Variants in MAN1B1 observed in about 807,000 individuals in gnomAD.
The protein encoded by MAN1B1 is endoplasmic reticulum mannosyl-oligosaccharide 1,2-alpha-mannosidase.
MAN1B1 carries 66 observed loss-of-function variants against 75.5 expected under a neutral mutation model. That is an observed-to-expected ratio of 0.87 (90% CI 0.72 to 1.07). The LOEUF is 1.07. Among genes scored for constraint, MAN1B1 ranks in the 50% least tolerant of loss-of-function variants. The pLI is 0.00. For missense variants in MAN1B1, 973 were observed against 912.5 expected (o/e 1.07, Z -0.85); for synonymous variants, 453 against 382.8 (o/e 1.18, Z -2.14).
chr9:137,103,566 C>T lies in MAN1B1; in HGVS notation c.1254+1894C>T, dbSNP rs570559037. On this transcript the variant is annotated intron_variant, in intron 8 of 12. Transcript: ENST00000371589. ...GTTGCAGGCGTGCAGGTTGGTGTTA[C>T]ACACATTCACACTTGCAGGCGTGCG... is the stretch of plus-strand genomic sequence containing the variant. The T allele has an allele frequency of 3.3e-4, 145 of 437,492 alleles. 1 individual carries two copies. Among genetic ancestry groups the T allele is most frequent in the African/African-American group, 3.0e-3 (136 of 45,692 alleles). The allele number at this position is 437,492 out of a possible 1,614,324, so 27.1% of individuals were successfully genotyped here. A position where few individuals can be genotyped will look rare whatever the true frequency, so the allele number is the denominator to read the frequency against.
chr9:137,097,152 G>A (rs571485012), intron 4 of MAN1B1, among the ~76,000 whole-genome samples: 6 of 152,350 alleles, frequency 3.9e-5, no homozygotes, highest in Middle Eastern at 3.4e-3. Flanking sequence ...TCTAGTTAGC[G>A]TTGGCATGAA....
At chr9:137,092,432 G>A (rs1830540780) in intron 3 of MAN1B1, among the ~76,000 whole-genome samples, 1 of 152,110 alleles carries the variant, frequency 6.6e-6, no homozygotes, top group African/African-American at 2.4e-5. Flanking sequence ...ACACACGTGT[G>A]TACGTAATTG....
chr9:137,095,793 C>G (rs1381859181), intron 3 of MAN1B1, among the ~76,000 whole-genome samples: 1 of 152,180 alleles, frequency 6.6e-6, no homozygotes, highest in Non-Finnish European at 1.5e-5. Flanking sequence ...GCCCGCATCA[C>G]ACAGCAGGGG....
chr9:137,093,852 T>C (rs747971308), intron 3 of MAN1B1, among the ~76,000 whole-genome samples: 2 of 151,636 alleles, frequency 1.3e-5, no homozygotes, highest in Non-Finnish European at 2.9e-5. Context: ...GAGAAAAGAT[T>C]TAAGTTCTCC....
At chr9:137,107,801 G>T (rs1161120256) in intron 12 of MAN1B1, 139 bp downstream of exon 12, 15 of 1,239,798 alleles carry the variant, frequency 1.2e-5, no homozygotes, top group Middle Eastern at 1.9e-4. Flanking sequence ...CAGCCTCGGG[G>T]TGGCCACACT....
chr9:137,108,924 A>G lies in MAN1B1; in HGVS notation c.*333A>G, dbSNP rs1003673037. ...CGAGGTGGTCCCTGGTACTGGGGTG[A>G]CCGAGTGGACAGCCCAGGGTGCAGC... On this transcript the variant is annotated 3_prime_UTR_variant, in exon 13 of 13. Coordinates refer to ENST00000371589, the MANE Select transcript of MAN1B1 (RefSeq NM_016219.5). 1.8e-5 allele frequency: 9 copies of G among 502,134 alleles called. No homozygotes were observed. The highest frequency in any genetic ancestry group is 3.0e-4 in the Middle Eastern group (1 of 3,332). The allele number at this position is 502,134 out of a possible 1,614,324, so 31.1% of individuals were successfully genotyped here.
At chr9:137,093,908 C>T (rs552152890) in intron 3 of MAN1B1, among the ~76,000 whole-genome samples, 188 of 152,188 alleles carry the variant, frequency 1.2e-3, no homozygotes, top group African/African-American at 4.5e-3. Flanking sequence ...AAATTCCAAC[C>T]TCTGTTTTTA....
chr9:137,103,217 G>A (rs1000987164), intron 8 of MAN1B1: 7 of 427,304 alleles, frequency 1.6e-5, no homozygotes, highest in Non-Finnish European at 2.8e-5. Flanking sequence ...CAGGTCGGTG[G>A]TGTTACACAC....
At chr9:137,094,067 T>G (rs543930175) in intron 3 of MAN1B1, among the ~76,000 whole-genome samples, 1 of 149,422 alleles carries the variant, frequency 6.7e-6, no homozygotes, top group African/African-American at 2.5e-5. Flanking sequence ...CAGGCTGGAG[T>G]GCAGTGGCAC....
In MAN1B1 at chr9:137,099,082, G is replaced by A. The variant is rs970923437; in HGVS notation, c.731-614G>A. 4.6e-5 allele frequency among the ~76,000 whole-genome samples: 7 copies of A among 152,104 alleles called. 1 individual carries two copies. Among genetic ancestry groups the A allele is most frequent in the Non-Finnish European group, 2.9e-5 (2 of 68,032 alleles). ...TGACCTCAGGTGATCTGCCCACCTC[G>A]GCCTCCCAGAGTACTGGGATTACAG... On this transcript the variant is annotated intron_variant, in intron 5 of 12. Coordinates refer to ENST00000371589, the MANE Select transcript of MAN1B1 (RefSeq NM_016219.5).
intron 8 of MAN1B1, chr9:137,102,073 G>C (rs777186619): frequency 2.3e-6 from 1 of 441,352 alleles, no homozygotes; most frequent in Non-Finnish European, 4.4e-6. Context: ...AGGAGTACAG[G>C]TCGGTGGTGT....
At chr9:137,095,964 C>A (rs750820151) in intron 3 of MAN1B1, among the ~76,000 whole-genome samples, 2 of 152,170 alleles carry the variant, frequency 1.3e-5, no homozygotes, top group East Asian at 1.9e-4. Context: ...TTGTTATTAA[C>A]GCTTTAGGAC....
chr9:137,088,836 C>A, intron 2 of MAN1B1, 33 bp from the exon 3 acceptor site: 2 of 1,612,630 alleles, frequency 1.2e-6, no homozygotes, highest in South Asian at 1.1e-5. Context: ...GGCCTTGTGG[C>A]ATATTTGAAA....
At position 137,101,499 on chromosome 9, in the gene MAN1B1, C is replaced by A; in HGVS notation, c.1081C>A (p.Arg361=). ...FLRKAEDFGN[R]LMPAFRTPSK... is the part of the protein sequence containing the mutation. ...CATATACCAGGAGGATTTTGGAAAT[C>A]GGCTAATGCCTGCCTTCAGAACACC... Residue 361 remains arginine, a synonymous_variant, in exon 8 of 13, where the codon CGG becomes AGG. Coordinates refer to ENST00000371589, the MANE Select transcript of MAN1B1 (RefSeq NM_016219.5). 1 of 1,613,856 alleles carries A rather than the reference C, an allele frequency of 6.2e-7. No homozygotes were observed. The highest frequency in any genetic ancestry group is 1.1e-5 in the South Asian group (1 of 91,068).
rs766096334 is a variant in MAN1B1, at chr9:137,108,615, A to T, written c.*24A>T. The T allele has an allele frequency of 6.2e-7, 1 of 1,610,946 alleles. No homozygotes were observed. The highest frequency in any genetic ancestry group is 8.5e-7 in the Non-Finnish European group (1 of 1,177,910). On this transcript the variant is annotated 3_prime_UTR_variant, in exon 13 of 13. Coordinates refer to ENST00000371589, the MANE Select transcript of MAN1B1 (RefSeq NM_016219.5). ...AGGGTGGATGGCTGCTGGTGTGGGG[A>T]CTTCGGGTGGGCAGAGGCACCTTGC...
chr9:137,098,073 C>G (rs1830706292), intron 5 of MAN1B1, 136 bp downstream of exon 5: 1 of 682,052 alleles, frequency 1.5e-6, no homozygotes, highest in Non-Finnish European at 2.6e-6. Context: ...CCCCTGTTGT[C>G]TGAGTCCTCA....
At chr9:137,093,173 G>GGTTTGA (rs1830559920) in intron 3 of MAN1B1, among the ~76,000 whole-genome samples, 1 of 151,970 alleles carries the variant, frequency 6.6e-6, no homozygotes. Flanking sequence ...GATCACTTGA[G>GGTTTGA]GTTTGAGGTC....
intron 8 of MAN1B1, chr9:137,102,468 TAC>T (rs754530100): frequency 2.8e-5 from 12 of 421,526 alleles, no homozygotes; most frequent in African/African-American, 4.7e-5. Flanking sequence ...TCGGTGGTGT[TAC>T]ACACATTCAT....
intron 2 of MAN1B1, chr9:137,088,457 C>T: frequency 5.3e-6 from 8 of 1,522,990 alleles, no homozygotes; most frequent in Non-Finnish European, 7.1e-6. Flanking sequence ...GGCTTGAACA[C>T]TCAGCCTAAA....
Sources: gnomAD v4.1 joint callset for allele counts (sites outside exome capture counted in the v4.1 genomes callset) on GRCh38, gnomAD v4.1.1 for gene constraint, MANE v1.5 for transcripts, NCBI Gene and HGNC (gene_info 2026-07-23, HGNC 2026-07-21) for gene names.